Variants in VIPR2 observed in about 807,000 individuals in gnomAD.
The protein encoded by VIPR2 is vasoactive intestinal peptide receptor 2, also known as vasoactive intestinal polypeptide receptor 2.
VIPR2 carries 48 observed loss-of-function variants against 58.0 expected under a neutral mutation model. The ratio of observed to expected loss-of-function variants is 0.83; its 90% CI spans 0.66 to 1.05. VIPR2 has a LOEUF of 1.05. VIPR2 is among the 50% of genes least tolerant of loss of function. The pLI, the probability that VIPR2 is intolerant of heterozygous loss-of-function variation, is 0.00. For missense variants in VIPR2, 534 were observed against 558.0 expected (o/e 0.96, Z 0.43); for synonymous variants, 243 against 235.2 (o/e 1.03, Z -0.30).
At chr7:159,142,873 T>C (rs898275652) in intron 1 of VIPR2, among the ~76,000 whole-genome samples, 2 of 152,210 alleles carry the variant, frequency 1.3e-5, no homozygotes, top group African/African-American at 2.4e-5. Context: ...GCTCCTCCGT[T>C]TCACACCCTT....
chr7:159,083,209 G>A (rs1031470906), intron 4 of VIPR2, among the ~76,000 whole-genome samples: 8 of 152,186 alleles, frequency 5.3e-5, no homozygotes, highest in Non-Finnish European at 7.3e-5. Flanking sequence ...CACTCACTGG[G>A]CAAGGATCCC....
chr7:159,107,401 T>G (rs1303948492), intron 3 of VIPR2, among the ~76,000 whole-genome samples: 1 of 152,212 alleles, frequency 6.6e-6, no homozygotes, highest in Non-Finnish European at 1.5e-5. Context: ...CTCCCAGTGA[T>G]GAGTCCTCGT....
In VIPR2 at chr7:159,121,275, A is replaced by G. The variant is rs1331853712; in HGVS notation, c.152-11356T>C. Among the ~76,000 whole-genome samples the G allele has an allele frequency of 3.3e-5, 5 of 150,034 alleles. No individual in the cohort carries two copies. The South Asian group carries it at 6.4e-4, about 19-fold the overall frequency. Reference sequence around the variant, plus strand: ...ACAGCCCCAGGCCAGCTCCCTCTGCACGAGTCGGCTCCCAGGGCTCCATTT... The same window carrying G: ...ACAGCCCCAGGCCAGCTCCCTCTGCGCGAGTCGGCTCCCAGGGCTCCATTT... On this transcript the variant is annotated intron_variant, in intron 2 of 12. Transcript: ENST00000262178.
At chr7:159,062,185 G>A (rs1205320326) in intron 4 of VIPR2, among the ~76,000 whole-genome samples, 2 of 152,144 alleles carry the variant, frequency 1.3e-5, no homozygotes, top group Non-Finnish European at 2.9e-5. Flanking sequence ...AGAAAAACAG[G>A]GCAAGGACAC....
chr7:159,080,791 G>A (rs1329064168), intron 4 of VIPR2, among the ~76,000 whole-genome samples: 1 of 151,872 alleles, frequency 6.6e-6, no homozygotes, highest in Non-Finnish European at 1.5e-5. Context: ...AAATCAATGT[G>A]CAAAAATCAC....
intron 6 of VIPR2, 137 bp from the exon 7 acceptor site, chr7:159,037,039 A>C: frequency 9.0e-7 from 1 of 1,105,830 alleles, no homozygotes; most frequent in South Asian, 1.7e-5. Context: ...TGGGAAGGAA[A>C]GTGATTAACA....
intron 6 of VIPR2, among the ~76,000 whole-genome samples, chr7:159,040,553 C>G (rs1854265105): frequency 6.6e-6 from 1 of 152,194 alleles, no homozygotes; most frequent in African/African-American, 2.4e-5. Context: ...GTCTAGGCCG[C>G]ATGGAAGGGG....
intron 5 of VIPR2, among the ~76,000 whole-genome samples, chr7:159,051,107 A>T (rs1358234811): frequency 6.6e-6 from 1 of 152,256 alleles, no homozygotes; most frequent in Non-Finnish European, 1.5e-5. Context: ...CACTACAGGG[A>T]AATCTTCCTG....
At chr7:159,124,040 G>C (rs1796568428) in intron 2 of VIPR2, among the ~76,000 whole-genome samples, 1 of 152,186 alleles carries the variant, frequency 6.6e-6, no homozygotes, top group African/African-American at 2.4e-5. Flanking sequence ...ATAGATGCTG[G>C]ATATTAGACC....
At chr7:159,133,029 T>TTGGCATACCGATTGA (rs1585563303) in intron 2 of VIPR2, among the ~76,000 whole-genome samples, 3 of 88,392 alleles carry the variant, frequency 3.4e-5, no homozygotes, top group Non-Finnish European at 6.7e-5. Context: ...GACAGAATGA[T>TTGGCATACCGATTGA]TCCAAAAATG....
At chr7:159,103,663 A>G in intron 4 of VIPR2, 94 bp downstream of exon 4, 1 of 982,800 alleles carries the variant, frequency 1.0e-6, no homozygotes, top group Non-Finnish European at 1.6e-6. Flanking sequence ...TATTTAGGGG[A>G]AAAATCTACA....
rs372544903 is a variant in VIPR2 at position 159,103,734 on chromosome 7, C to T, written c.357+23G>A. On this transcript the variant is annotated intron_variant, in intron 4 of 12. Coordinates refer to ENST00000262178, the MANE Select transcript of VIPR2 (RefSeq NM_003382.5). Reference sequence around the variant, plus strand: ...GTGTTAGGAAGTGGAACCTCACCACCGTAGCACCACGCAGGAGCCTACCTT... The same window carrying T: ...GTGTTAGGAAGTGGAACCTCACCACTGTAGCACCACGCAGGAGCCTACCTT... 7.6e-5 allele frequency: 122 copies of T among 1,598,622 alleles called. 1 individual carries two copies. The African/African-American group carries it at 1.2e-3, about 16-fold the overall frequency.
intron 4 of VIPR2, among the ~76,000 whole-genome samples, chr7:159,072,065 C>T (rs928568677): frequency 1.5e-5 from 2 of 136,632 alleles, no homozygotes; most frequent in African/African-American, 5.7e-5. Flanking sequence ...AATCCCATGT[C>T]TCTAGGCCGG....
chr7:159,103,463 G>A (rs1300939419), intron 4 of VIPR2, among the ~76,000 whole-genome samples: 2 of 152,080 alleles, frequency 1.3e-5, no homozygotes, highest in African/African-American at 4.8e-5. Context: ...AGTAACTTTC[G>A]GGCAGGCGGG....
chr7:159,097,024 GGGCAGGCCGCTCTGGGGGTCTCT>G lies in VIPR2; in HGVS notation c.357+6710_357+6732del. The G allele has an allele frequency of 6.5e-7, 1 of 1,550,322 alleles. No homozygotes were observed. Among genetic ancestry groups the G allele is most frequent in the Non-Finnish European group, 8.7e-7 (1 of 1,146,840 alleles). On this transcript the variant is annotated intron_variant, in intron 4 of 12. Coordinates refer to ENST00000262178, the MANE Select transcript of VIPR2 (RefSeq NM_003382.5). This position sits in a 1 kb window ranked among gnomAD's most constrained non-coding sequence, Gnocchi z 5.3. Reference sequence around the variant, plus strand: ...AGCTGCTGCTCTCAGAGGTGATTTGGGGCAGGCCGCTCTGGGGGTCTCTGGCAGGCTCCTCCTGGCACCCTGGG... The same window carrying G: ...AGCTGCTGCTCTCAGAGGTGATTTGGGGCAGGCTCCTCCTGGCACCCTGGG...
At chr7:159,039,908 G>C (rs1232420274) in intron 6 of VIPR2, among the ~76,000 whole-genome samples, 2 of 152,242 alleles carry the variant, frequency 1.3e-5, no homozygotes, top group Non-Finnish European at 2.9e-5. Flanking sequence ...CCCCATACCA[G>C]AGGATGGGCT....
chr7:159,106,562 G>C (rs1369659370), intron 3 of VIPR2, among the ~76,000 whole-genome samples: 2 of 142,186 alleles, frequency 1.4e-5, no homozygotes, highest in African/African-American at 5.3e-5. Context: ...GCCAGGGAGG[G>C]GCAGAGAGAG....
chr7:159,126,902 G>C (rs1796670899), intron 2 of VIPR2, among the ~76,000 whole-genome samples: 1 of 152,234 alleles, frequency 6.6e-6, no homozygotes, highest in South Asian at 2.1e-4. Flanking sequence ...ACTGTCCAGG[G>C]CTACCTGACC....
chr7:159,131,589 G>A (rs897209656), intron 2 of VIPR2, among the ~76,000 whole-genome samples: 1 of 152,212 alleles, frequency 6.6e-6, no homozygotes, highest in Non-Finnish European at 1.5e-5. Context: ...TTAAGGGCAA[G>A]TATAAACACT....
Sources: gnomAD v4.1 joint callset for allele counts (sites outside exome capture counted in the v4.1 genomes callset) on GRCh38, gnomAD v4.1.1 for gene constraint, Gnocchi (gnomAD v3.1) non-coding constraint, MANE v1.5 for transcripts, NCBI Gene and HGNC (gene_info 2026-07-23, HGNC 2026-07-21) for gene names.